The following INTS6 variants were observed in gnomAD, a reference collection of about 807,000 sequenced individuals.
INTS6 encodes integrator complex subunit 6, also known as DEAD box protein.
A neutral mutation model predicts 104.9 loss-of-function variants in INTS6; 16 were observed. The observed-to-expected ratio is 0.15, with a 90% CI of 0.10 to 0.23. The LOEUF (loss-of-function observed/expected upper bound fraction) is 0.23, where lower values mean the gene tolerates loss of function less well. Among genes scored for constraint, INTS6 ranks in the 10% least tolerant of loss-of-function variants. The pLI, the probability that INTS6 is intolerant of heterozygous loss-of-function variation, is 1.00. For synonymous variants in INTS6, 324 were observed against 358.7 expected (o/e 0.90, Z 1.09); for missense variants, 584 against 1,062.8 (o/e 0.55, Z 6.26).
the INTS6 span, among the ~76,000 whole-genome samples, chr13:51,347,962 C>G: frequency 6.6e-6 from 1 of 152,102 alleles, no homozygotes; most frequent in Non-Finnish European, 1.5e-5. Context: ...ATCGTCCCCC[C>G]CCCCATACCC....
chr13:51,366,979 A>G (rs761134084), intron 17 of INTS6, among the ~76,000 whole-genome samples: 1 of 152,008 alleles, frequency 6.6e-6, no homozygotes, highest in African/African-American at 2.4e-5. Context: ...GCACTTCTTA[A>G]TTACCATTTA....
At chr13:51,398,165 A>C (rs1033532548) in intron 4 of INTS6, among the ~76,000 whole-genome samples, 2 of 152,178 alleles carry the variant, frequency 1.3e-5, no homozygotes, top group Non-Finnish European at 2.9e-5. Context: ...GCAAATAGAA[A>C]CAGGAAAAAG....
At chr13:51,430,658 T>A (rs1394716960) in intron 3 of INTS6, among the ~76,000 whole-genome samples, 1 of 152,156 alleles carries the variant, frequency 6.6e-6, no homozygotes, top group Non-Finnish European at 1.5e-5. Context: ...GGAGTATATT[T>A]ATGTTACTAA....
At position 51,374,779 on chromosome 13, in the gene INTS6, G is replaced by A; in HGVS notation, c.1747C>T (p.Pro583Ser). The A allele has an allele frequency of 1.2e-6, 2 of 1,613,278 alleles. No homozygotes were observed. The highest frequency in any genetic ancestry group is 1.7e-6 in the Non-Finnish European group (2 of 1,179,746). The change falls in exon 14 of 18, where the codon CCT becomes TCT. Residue 583 changes from proline (P) to serine (S), a missense_variant. This residue lies in a region of INTS6 where 296 missense variants were observed against 437.0 expected (regional missense o/e 0.68). Transcript: ENST00000311234. ...TGGTAGTTCCCCATTTGTGCTATAGGAACACTGTGCACTTGATCTTTCAAA... is the reference window on the plus strand; with the variant it reads ...TGGTAGTTCCCCATTTGTGCTATAGAAACACTGTGCACTTGATCTTTCAAA... ...GQDEDQVHSV[P>S]IAQMGNYQEY... is the part of the protein sequence containing the mutation.
intron 3 of INTS6, chr13:51,445,117 A>T (rs1031418056): frequency 2.6e-5 from 4 of 152,150 alleles, no homozygotes; most frequent in African/African-American, 9.7e-5. Flanking sequence ...CACTAGGGGG[A>T]GCTCCCTATT....
intron 2 of INTS6, 182 bp from the exon 3 acceptor site, chr13:51,451,356 C>T (rs1294742327): frequency 3.9e-5 from 16 of 409,576 alleles, no homozygotes; most frequent in Admixed American, 1.3e-4. Context: ...AATAACCCAG[C>T]TTCCTCTCTA....
chr13:51,429,782 AAAAAT>A (rs1248744313), intron 4 of INTS6, among the ~76,000 whole-genome samples: 1 of 130,620 alleles, frequency 7.7e-6, no homozygotes, highest in African/African-American at 3.2e-5. Context: ...AAAAAAAAAA[AAAAAT>A]ATATATATAT....
At chr13:51,355,260 C>G in intron 3 of INTS6, 1 of 613,156 alleles carries the variant, frequency 1.6e-6, no homozygotes, top group Non-Finnish European at 2.9e-6. Context: ...AAGAAAGGTG[C>G]TCTGTTTTAT....
intron 11 of INTS6, 117 bp downstream of exon 11, chr13:51,379,345 T>C: frequency 2.2e-6 from 1 of 449,994 alleles, no homozygotes; most frequent in Non-Finnish European, 4.0e-6. Flanking sequence ...TAAAATGTAA[T>C]ATATTAATAT....
At chr13:51,399,705 T>G (rs924288881) in intron 4 of INTS6, among the ~76,000 whole-genome samples, 1 of 149,424 alleles carries the variant, frequency 6.7e-6, no homozygotes, top group South Asian at 2.2e-4. Flanking sequence ...TTAGCCATTG[T>G]GGGTGTGTGT....
intron 13 of INTS6, among the ~76,000 whole-genome samples, chr13:51,375,764 TGTGCGCGCGC>T (rs1955914878): frequency 1.3e-5 from 2 of 150,848 alleles, no homozygotes; most frequent in African/African-American, 2.5e-5. Flanking sequence ...TGTGTGTGTG[TGTGCGCGCGC>T]GTGCGCGCAT....
the INTS6 span, chr13:51,341,487 T>C: frequency 1.0e-3 from 900 of 858,628 alleles, 9 homozygotes; most frequent in African/African-American, 7.1e-3. Context: ...TCTCTCCAGC[T>C]CACCCTGCTG....
In INTS6 at chr13:51,388,368, GTTT is replaced by G. The variant is rs1204297924; in HGVS notation, c.740-831_740-829del. Among the ~76,000 whole-genome samples, 35 of 148,540 alleles carry G rather than the reference GTTT, an allele frequency of 2.4e-4. No homozygotes were observed. In the East Asian group the frequency reaches 3.2e-3, roughly 13 times the overall value. ...TCTCTAAATCTTTGTGTGTGTGTGT[GTTT>G]TGTTTTTTTTTGTTTTTGTTTTTGT... On this transcript the variant is annotated intron_variant, in intron 6 of 17. Transcript: ENST00000311234.
chr13:51,394,662 C>G (rs1489384175), intron 5 of INTS6, among the ~76,000 whole-genome samples: 1 of 152,132 alleles, frequency 6.6e-6, no homozygotes, highest in East Asian at 1.9e-4. Flanking sequence ...GTACTGACTA[C>G]TGAATGCCAA....
intron 6 of INTS6, among the ~76,000 whole-genome samples, chr13:51,388,282 C>A (rs1261253571): frequency 6.6e-6 from 1 of 152,004 alleles, no homozygotes; most frequent in Non-Finnish European, 1.5e-5. Flanking sequence ...TCTCTATGAT[C>A]TTTCTCTTCT....
At chr13:51,407,156 T>G (rs1474037955) in intron 4 of INTS6, among the ~76,000 whole-genome samples, 1 of 152,070 alleles carries the variant, frequency 6.6e-6, no homozygotes, top group Non-Finnish European at 1.5e-5. Flanking sequence ...GAGTAACAAA[T>G]CCTACTCTCT....
intron 15 of INTS6, among the ~76,000 whole-genome samples, chr13:51,371,645 A>C (rs557358054): frequency 6.6e-6 from 1 of 151,820 alleles, no homozygotes; most frequent in Admixed American, 6.6e-5. Flanking sequence ...CACAATCACC[A>C]TCTCTACTTG....
At chr13:51,347,189 G>A in the INTS6 span, 30 of 1,613,862 alleles carry the variant, frequency 1.9e-5, no homozygotes, top group South Asian at 3.3e-5. Flanking sequence ...CTATGGCCTC[G>A]TCCTTCAGGT....
chr13:51,420,970 C>A (rs1463419440), intron 4 of INTS6: 1 of 254,608 alleles, frequency 3.9e-6, no homozygotes, highest in Non-Finnish European at 6.2e-6. Context: ...GTCTGATAAT[C>A]ATCATCAACC....
Sources: allele counts gnomAD v4.1 joint callset (sites outside exome capture counted in the v4.1 genomes callset), GRCh38; gene constraint gnomAD v4.1.1; regional missense constraint gnomAD v4.1.1; transcripts MANE v1.5; gene names NCBI Gene and HGNC (gene_info 2026-07-23, HGNC 2026-07-21).